DHCR24: variants seen among roughly 807,000 people sequenced by gnomAD.
The protein encoded by DHCR24 is delta(24)-sterol reductase.
Under a neutral mutation model 61.2 loss-of-function variants are expected in DHCR24, and 28 were observed. That is an observed-to-expected ratio of 0.46 (90% CI 0.34 to 0.63). The LOEUF is 0.63. Among genes scored for constraint, DHCR24 ranks in the 20% least tolerant of loss-of-function variants. The probability of loss-of-function intolerance (pLI) is 0.01; values close to 1 mark genes in which losing one functional copy is unlikely to be tolerated. For missense variants in DHCR24, 538 were observed against 679.1 expected (o/e 0.79, Z 2.31); for synonymous variants, 261 against 275.9 (o/e 0.95, Z 0.54).
At position 54,875,926 on chromosome 1, in the gene DHCR24, A is replaced by T. The variant is rs1281916346; in HGVS notation, c.493+16T>A. 3 of 1,606,884 alleles carry T rather than the reference A, an allele frequency of 1.9e-6. No individual in the cohort carries two copies. In the South Asian group the frequency reaches 3.3e-5, roughly 18 times the overall value. Reference sequence around the variant, plus strand: ...GACCGTGTGTCTCTTCTTGCCCGTTAATATAGGGTCCTCACCCACTGTGAG... The same window carrying T: ...GACCGTGTGTCTCTTCTTGCCCGTTTATATAGGGTCCTCACCCACTGTGAG... On this transcript the variant is annotated intron_variant, in intron 3 of 8. Coordinates refer to ENST00000371269, the MANE Select transcript of DHCR24 (RefSeq NM_014762.4).
chr1:54,875,348 T>C (rs1272477398), intron 3 of DHCR24, 137 bp from the exon 4 acceptor site: 6 of 769,060 alleles, frequency 7.8e-6, no homozygotes, highest in Admixed American at 1.9e-5. Context: ...TTAGGGGAGA[T>C]TTCCCACCTG....
intron 6 of DHCR24, among the ~76,000 whole-genome samples, chr1:54,856,534 G>C (rs929577706): frequency 6.6e-6 from 1 of 152,050 alleles, no homozygotes; most frequent in South Asian, 2.1e-4. Context: ...GCGGAGAGGC[G>C]GAGGTTGCAG....
intron 6 of DHCR24, among the ~76,000 whole-genome samples, chr1:54,854,925 A>G (rs1225736190): frequency 6.6e-6 from 1 of 152,084 alleles, no homozygotes; most frequent in Non-Finnish European, 1.5e-5. Flanking sequence ...CCTCCTGACG[A>G]TGGCCCCCTC....
Position 54,853,556 on chromosome 1 carries a change from G to A in DHCR24, c.1275C>T (p.His425=). 6.2e-7 allele frequency: 1 copy of A among 1,614,130 alleles called. No individual in the cohort carries two copies. Among genetic ancestry groups the A allele is most frequent in the Non-Finnish European group, 8.5e-7 (1 of 1,180,014 alleles). The change falls in exon 8 of 9, where the codon CAC becomes CAT. Residue 425 remains histidine (H), a synonymous_variant. Coordinates refer to ENST00000371269, the MANE Select transcript of DHCR24 (RefSeq NM_014762.4). ...AGAGCTCTGCCTCATTTCCTTTGGG[G>A]TGCACTAGGCCTGGCTGGCTGGGCA... ...FILPSQPGLV[H]PKGNEAELYI... is the part of the protein sequence containing the mutation.
At chr1:54,868,843 G>A (rs1025419169) in intron 5 of DHCR24, among the ~76,000 whole-genome samples, 1 of 152,120 alleles carries the variant, frequency 6.6e-6, no homozygotes, top group African/African-American at 2.4e-5. Context: ...CGAGGCAGGC[G>A]ATCACCTGAG....
intron 8 of DHCR24, 21 bp from the exon 9 acceptor site, chr1:54,852,407 G>C: frequency 6.2e-7 from 1 of 1,613,490 alleles, no homozygotes; most frequent in Non-Finnish European, 8.5e-7. Context: ...AGAGAAGTGG[G>C]TGAGGACGCC....
At chr1:54,856,501 G>A (rs948928409) in intron 6 of DHCR24, among the ~76,000 whole-genome samples, 12 of 151,994 alleles carry the variant, frequency 7.9e-5, no homozygotes, top group Admixed American at 3.3e-4. Context: ...CTCAGGAGGC[G>A]GAGGCAAGGA....
At position 54,857,625 on chromosome 1, in the gene DHCR24, TA is replaced by T. The variant is rs557436316; in HGVS notation, c.1021-3392del. On this transcript the variant is annotated intron_variant, in intron 6 of 8. Coordinates refer to ENST00000371269, the MANE Select transcript of DHCR24 (RefSeq NM_014762.4). ...CAAGAAATACATATACATGAGGAGT[TA>T]AATGTAACATTTAAACAGTGAACAG... 1.3e-3 allele frequency among the ~76,000 whole-genome samples: 199 copies of T among 152,328 alleles called. 2 individuals carry two copies. Among genetic ancestry groups the T allele is most frequent in the South Asian group, 3.1e-3 (15 of 4,830 alleles).
Position 54,851,041 on chromosome 1 carries a change from C to T in DHCR24, c.*1192G>A, listed in dbSNP as rs1232564489. 6.6e-6 allele frequency: 1 copy of T among 152,612 alleles called. No homozygotes were observed. The highest frequency in any genetic ancestry group is 1.5e-5 in the Non-Finnish European group (1 of 68,054). The allele number at this position is 152,612 out of a possible 1,614,324, so 9.5% of individuals were successfully genotyped here. A position where few individuals can be genotyped will look rare whatever the true frequency, so the allele number is the denominator to read the frequency against. On this transcript the variant is annotated 3_prime_UTR_variant, in exon 9 of 9. Coordinates refer to ENST00000371269, the MANE Select transcript of DHCR24 (RefSeq NM_014762.4). ...AGATAGAGTTGCATAAACAACCAAG[C>T]TTTGCGTTATAACAAGCCAGGGAAG...
At chr1:54,884,319 G>A (rs1046325618) in intron 1 of DHCR24, among the ~76,000 whole-genome samples, 16 of 152,238 alleles carry the variant, frequency 1.1e-4, no homozygotes, top group African/African-American at 3.9e-4. Flanking sequence ...TGGAGTTGTG[G>A]TAACAGTTCA....
intron 1 of DHCR24, chr1:54,886,552 C>T (rs538783531): frequency 3.1e-6 from 4 of 1,307,574 alleles, no homozygotes; most frequent in Non-Finnish European, 3.0e-6. Context: ...TTCCCAATCT[C>T]TAGACCCAGC....
intron 6 of DHCR24, among the ~76,000 whole-genome samples, chr1:54,858,259 T>C (rs1417284562): frequency 2.0e-5 from 3 of 152,214 alleles, no homozygotes; most frequent in Non-Finnish European, 4.4e-5. Flanking sequence ...GTCTGCACAA[T>C]GACTGGTTGA....
At chr1:54,865,727 G>C (rs1413071828) in intron 5 of DHCR24, among the ~76,000 whole-genome samples, 3 of 152,172 alleles carry the variant, frequency 2.0e-5, no homozygotes, top group Non-Finnish European at 4.4e-5. Flanking sequence ...CTAGCCTGGT[G>C]CAAGTGTTTA....
At position 54,850,117 on chromosome 1, in the gene DHCR24, G is replaced by A. The variant is rs1646866921; in HGVS notation, c.*2116C>T. The A allele has an allele frequency of 1.3e-5, 2 of 152,230 alleles. No homozygotes were observed. The highest frequency in any genetic ancestry group is 3.2e-3 in the Middle Eastern group (1 of 316). 9.4% of individuals were successfully genotyped at this position (152,230 alleles called of 1,614,324 possible). The stretch of plus-strand genomic sequence containing the variant: ...ATTTTACTGGAGCAACATAACCGGA[G>A]GGTGTGATTCCAAAATACCTTCCTT... On this transcript the variant is annotated 3_prime_UTR_variant, in exon 9 of 9. Transcript: ENST00000371269.
In DHCR24 at chr1:54,852,318, A is replaced by G. The variant is rs1485449601; in HGVS notation, c.1466T>C (p.Leu489Ser). The change falls in exon 9 of 9, where the codon TTG becomes TCG. Residue 489 changes from leucine (L) to serine (S), a missense_variant. Transcript: ENST00000371269. ...CAGCTTCTCTCGCAGCTTGTGGTAC[A>G]AGGAGCCATCAAACATCTCCCAGAA... The part of the protein sequence containing the change: ...EEFWEMFDGS[L>S]YHKLREKLGC... 1 of 1,614,212 alleles carries G rather than the reference A, an allele frequency of 6.2e-7. No individual in the cohort carries two copies. The highest frequency in any genetic ancestry group is 1.1e-5 in the South Asian group (1 of 91,088).
At chr1:54,884,692 TC>T (rs1647083425) in intron 1 of DHCR24, among the ~76,000 whole-genome samples, 1 of 152,170 alleles carries the variant, frequency 6.6e-6, no homozygotes, top group African/African-American at 2.4e-5. Flanking sequence ...CTGATTCTAC[TC>T]CCCTACCCCA....
intron 6 of DHCR24, among the ~76,000 whole-genome samples, chr1:54,862,709 C>T (rs1452353105): frequency 1.3e-5 from 2 of 152,214 alleles, no homozygotes; most frequent in Non-Finnish European, 2.9e-5. Context: ...GTCACTGGCT[C>T]CTGCTGTCAT....
intron 1 of DHCR24, among the ~76,000 whole-genome samples, chr1:54,884,891 T>C (rs2101579489): frequency 6.6e-6 from 1 of 152,188 alleles, no homozygotes; most frequent in South Asian, 2.1e-4. Context: ...CTCCAGAGAA[T>C]GAAGTCAACC....
At chr1:54,880,664 C>T (rs1435085854) in intron 2 of DHCR24, among the ~76,000 whole-genome samples, 2 of 152,028 alleles carry the variant, frequency 1.3e-5, no homozygotes, top group Non-Finnish European at 2.9e-5. Flanking sequence ...ACTTGGGAGG[C>T]TGAGGCACAA....
Sources: gnomAD v4.1 joint callset for allele counts (sites outside exome capture counted in the v4.1 genomes callset) on GRCh38, gnomAD v4.1.1 for gene constraint, MANE v1.5 for transcripts, NCBI Gene and HGNC (gene_info 2026-07-23, HGNC 2026-07-21) for gene names.